Variants in SYNPO2 observed in about 807,000 individuals in gnomAD.
SYNPO2 encodes synaptopodin 2.
SYNPO2 carries 56 observed loss-of-function variants against 85.0 expected under a neutral mutation model. The ratio of observed to expected loss-of-function variants is 0.66; its 90% CI spans 0.53 to 0.82. The LOEUF is 0.82. Among genes scored for constraint, SYNPO2 ranks in the 40% least tolerant of loss-of-function variants. SYNPO2 has a pLI of 0.00. For synonymous variants in SYNPO2, 602 were observed against 591.1 expected, an observed-to-expected ratio of 1.02 and a Z score of -0.27; for missense variants, 1,575 against 1,534.2, an observed-to-expected ratio of 1.03 and a Z score of -0.44.
chr4:118,892,338 A>C (rs1210862256), intron 1 of SYNPO2, among the ~76,000 whole-genome samples: 1 of 152,198 alleles, frequency 6.6e-6, no homozygotes, highest in African/African-American at 2.4e-5. Context: ...TTTAATTTAT[A>C]TTCTAAATAT....
At position 118,958,378 on chromosome 4, in the gene SYNPO2, G is replaced by A. The variant is rs534497312; in HGVS notation, c.106-65052G>A. ...ATTACTTCAAGTCTTCTTATTTCGT[G>A]TATGAAATATGCATTTCTTCAGCTT... On this transcript the variant is annotated intron_variant, in intron 1 of 4. Transcript: ENST00000307142. 8.5e-5 allele frequency among the ~76,000 whole-genome samples: 13 copies of A among 152,258 alleles called. No individual in the cohort carries two copies. The South Asian group carries it at 2.7e-3, about 32-fold the overall frequency.
At chr4:119,037,429 T>C (rs1738562670) in intron 4 of SYNPO2, 1 of 1,146,072 alleles carries the variant, frequency 8.7e-7, no homozygotes, top group Non-Finnish European at 1.1e-6. Flanking sequence ...AATGTTCTTC[T>C]TGGAAGTAAA....
chr4:118,928,241 C>G (rs1268791757), intron 1 of SYNPO2, among the ~76,000 whole-genome samples: 2 of 152,144 alleles, frequency 1.3e-5, no homozygotes, highest in African/African-American at 2.4e-5. Flanking sequence ...TTTGTTTGTA[C>G]AGAACTAATC....
At chr4:119,036,521 C>T (rs956576757) in intron 4 of SYNPO2, 33 of 985,242 alleles carry the variant, frequency 3.3e-5, no homozygotes, top group Non-Finnish European at 3.9e-5. Flanking sequence ...GGCCAAGGGC[C>T]ACAAAGCAGG....
chr4:118,924,801 T>C (rs1733659150), intron 1 of SYNPO2, among the ~76,000 whole-genome samples: 1 of 152,286 alleles, frequency 6.6e-6, no homozygotes, highest in South Asian at 2.1e-4. Flanking sequence ...AAAGGAAGAT[T>C]TTTCTTTAGG....
At chr4:118,865,295 C>T (rs945099753) in intron 1 of SYNPO2, among the ~76,000 whole-genome samples, 2 of 152,204 alleles carry the variant, frequency 1.3e-5, no homozygotes, top group African/African-American at 4.8e-5. Flanking sequence ...GCAATGCAGT[C>T]TCTCTGTCTA....
chr4:118,862,116 C>A (rs1463221819), intron 1 of SYNPO2, among the ~76,000 whole-genome samples: 4 of 151,910 alleles, frequency 2.6e-5, no homozygotes, highest in African/African-American at 9.7e-5. Context: ...AGATTATTTT[C>A]TTGATTTCTT....
chr4:118,952,586 GAC>G (rs1044476938), intron 1 of SYNPO2, among the ~76,000 whole-genome samples: 3 of 152,018 alleles, frequency 2.0e-5, no homozygotes, highest in African/African-American at 7.2e-5. Flanking sequence ...ATTCTAGTAA[GAC>G]AGGTAAAATT....
intron 4 of SYNPO2, among the ~76,000 whole-genome samples, chr4:119,050,320 G>A (rs1738995593): frequency 6.6e-6 from 1 of 150,942 alleles, no homozygotes; most frequent in Non-Finnish European, 1.5e-5. Flanking sequence ...TGACAAGAGC[G>A]AGATTCTGTC....
chr4:118,935,384 G>C (rs1186061182), intron 1 of SYNPO2, among the ~76,000 whole-genome samples: 1 of 152,050 alleles, frequency 6.6e-6, no homozygotes, highest in Non-Finnish European at 1.5e-5. Context: ...ATTAATACTG[G>C]GCTTAATTGC....
chr4:118,868,234 C>T (rs1426007636), intron 1 of SYNPO2, among the ~76,000 whole-genome samples: 1 of 151,818 alleles, frequency 6.6e-6, no homozygotes, highest in Non-Finnish European at 1.5e-5. Context: ...GTTTTTCAAA[C>T]TGATTTTCTA....
rs1560972492 is a variant in SYNPO2, at chr4:119,007,262, ATATATATATATATG to A, written c.106-16161_106-16148del. On this transcript the variant is annotated intron_variant, in intron 1 of 4. Coordinates refer to ENST00000307142, the MANE Select transcript of SYNPO2 (RefSeq NM_133477.3). The stretch of plus-strand genomic sequence containing the variant: ...TATATATATGTATATACATATATAT[ATATATATATATATG>A]TATATACATATATATATATATGTAT... 6.6e-3 allele frequency among the ~76,000 whole-genome samples: 487 copies of A among 73,536 alleles called. 14 individuals are homozygous for A. Among genetic ancestry groups the A allele is most frequent in the East Asian group, 0.017 (42 of 2,538 alleles). The allele number at this position is 73,536 out of a possible 152,430, so 48.2% of individuals were successfully genotyped here.
intron 4 of SYNPO2, among the ~76,000 whole-genome samples, chr4:119,047,345 C>A (rs1426439498): frequency 6.6e-6 from 1 of 152,246 alleles, no homozygotes; most frequent in African/African-American, 2.4e-5. Context: ...AGGCGTAAGC[C>A]ACTGTGCCCA....
At chr4:118,887,088 G>A (rs114729656), upstream of SYNPO2, among the ~76,000 whole-genome samples, 274 of 152,150 alleles carry the variant, frequency 1.8e-3, no homozygotes, top group African/African-American at 6.3e-3. Flanking sequence ...TTTTCTCCAG[G>A]TCCTCTGGTT....
Position 119,007,216 on chromosome 4 carries a change from GTATATA to G in SYNPO2, c.106-16190_106-16185del, listed in dbSNP as rs66895824. Among the ~76,000 whole-genome samples the G allele has an allele frequency of 9.5e-3, 440 of 46,268 alleles. 16 individuals are homozygous for G. Among genetic ancestry groups the G allele is most frequent in the African/African-American group, 0.026 (371 of 14,524 alleles). The allele number at this position is 46,268 out of a possible 152,430, so 30.4% of individuals were successfully genotyped here. ...ATTCCCAAAACAAAAAAGAACAAAGGTATATATATATATATATATATATATATATGT... is the reference window on the plus strand; with the variant it reads ...ATTCCCAAAACAAAAAAGAACAAAGGTATATATATATATATATATATATGT... On this transcript the variant is annotated intron_variant, in intron 1 of 4. Transcript: ENST00000307142.
At chr4:118,894,205 C>T (rs1007401080) in intron 1 of SYNPO2, among the ~76,000 whole-genome samples, 2 of 151,596 alleles carry the variant, frequency 1.3e-5, no homozygotes, top group African/African-American at 4.8e-5. Flanking sequence ...GGTGGTGGCA[C>T]ATTATGTCCC....
At chr4:118,995,862 T>TTTATCTATC (rs146711714) in intron 1 of SYNPO2, among the ~76,000 whole-genome samples, 3 of 148,302 alleles carry the variant, frequency 2.0e-5, no homozygotes, top group Non-Finnish European at 3.0e-5. Context: ...TCTATTTATC[T>TTTATCTATC]TATCTATCTA....
intron 1 of SYNPO2, among the ~76,000 whole-genome samples, chr4:118,949,324 G>A (rs1028141808): frequency 3.9e-5 from 6 of 152,186 alleles, no homozygotes; most frequent in Non-Finnish European, 8.8e-5. Flanking sequence ...ATGAAAAAAA[G>A]TTGAAAAACA....
chr4:118,937,532 C>G (rs1355171880), intron 1 of SYNPO2, among the ~76,000 whole-genome samples: 5 of 152,174 alleles, frequency 3.3e-5, no homozygotes, highest in Non-Finnish European at 5.9e-5. Context: ...CTGCCTCAGA[C>G]AGTAGACCAT....
Sources: gnomAD v4.1 joint callset for allele counts (sites outside exome capture counted in the v4.1 genomes callset) on GRCh38, gnomAD v4.1.1 for gene constraint, MANE v1.5 for transcripts, NCBI Gene and HGNC (gene_info 2026-07-23, HGNC 2026-07-21) for gene names.